ABCB10: variants seen among roughly 807,000 people sequenced by gnomAD.
The protein encoded by ABCB10 is ATP binding cassette subfamily B member 10.
In ABCB10, 54 loss-of-function variants were observed where a neutral mutation model predicts 65.4. That is an observed-to-expected ratio of 0.83 (90% CI 0.66 to 1.04). The LOEUF (loss-of-function observed/expected upper bound fraction) is 1.04, where lower values mean the gene tolerates loss of function less well. ABCB10 is among the 50% of genes least tolerant of loss of function. The pLI, the probability that ABCB10 is intolerant of heterozygous loss-of-function variation, is 0.00. For synonymous variants in ABCB10, 418 were observed against 406.5 expected (o/e 1.03, Z -0.34); for missense variants, 846 against 976.6 (o/e 0.87, Z 1.78).
At chr1:229,557,853 T>C (rs567959112) in intron 1 of ABCB10, among the ~76,000 whole-genome samples, 2 of 152,186 alleles carry the variant, frequency 1.3e-5, no homozygotes, top group Non-Finnish European at 2.9e-5. Context: ...TCCCACTAAG[T>C]TGGTGGTGGA....
At chr1:229,540,830 G>A (rs1662825854) in intron 4 of ABCB10, 78 bp from the exon 5 acceptor site, 2 of 1,455,552 alleles carry the variant, frequency 1.4e-6, no homozygotes, top group Non-Finnish European at 1.8e-6. Flanking sequence ...ATAAAATGTG[G>A]TTCTCATTTT....
chr1:229,520,648 T>G (rs1662291482), intron 11 of ABCB10, among the ~76,000 whole-genome samples: 1 of 152,128 alleles, frequency 6.6e-6, no homozygotes, highest in Admixed American at 6.5e-5. Context: ...AAACTGGAAA[T>G]GACCCAAGCG....
chr1:229,547,400 T>C, intron 3 of ABCB10, 99 bp downstream of exon 3: 1 of 1,398,798 alleles, frequency 7.1e-7, no homozygotes, highest in South Asian at 1.3e-5. Flanking sequence ...ACTTACAGAA[T>C]GATGCGAACC....
At position 229,558,558 on chromosome 1, in the gene ABCB10, G is replaced by A. The variant is rs780662297; in HGVS notation, c.95C>T (p.Ala32Val). Residue 32 changes from alanine (A) to valine (V), a missense_variant, in exon 1 of 13, where the codon GCG becomes GTG. Coordinates refer to ENST00000344517, the MANE Select transcript of ABCB10 (RefSeq NM_012089.3). ...TAGGGACCCGGGAACGCGGCTGGCCGCGGCCCACACGCAGGCTACCGGCAG... is the reference window on the plus strand; with the variant it reads ...TAGGGACCCGGGAACGCGGCTGGCCACGGCCCACACGCAGGCTACCGGCAG... ...RLLPVACVWA[A>V]ASRVPGSLSP... 5.0e-5 allele frequency: 72 copies of A among 1,442,982 alleles called. No homozygotes were observed. The South Asian group carries it at 8.9e-4, about 18-fold the overall frequency. The allele number at this position is 1,442,982 out of a possible 1,614,324, so 89.4% of individuals were successfully genotyped here.
chr1:229,518,069 A>T lies in ABCB10; in HGVS notation c.*110T>A. 1 of 772,844 alleles carries T rather than the reference A, an allele frequency of 1.3e-6. No homozygotes were observed. The highest frequency in any genetic ancestry group is 2.1e-6 in the Non-Finnish European group (1 of 477,058). The allele number at this position is 772,844 out of a possible 1,614,324, so 47.9% of individuals were successfully genotyped here. On this transcript the variant is annotated 3_prime_UTR_variant, in exon 13 of 13. Transcript: ENST00000344517. ...TTACACACTTTGGAAAAAAATAGGTATTTTTCAAATAACTTGATATATGGT... is the reference window on the plus strand; with the variant it reads ...TTACACACTTTGGAAAAAAATAGGTTTTTTTCAAATAACTTGATATATGGT...
intron 6 of ABCB10, 41 bp downstream of exon 6, chr1:229,539,415 T>G (rs1303772987): frequency 1.2e-6 from 2 of 1,603,148 alleles, no homozygotes; most frequent in Non-Finnish European, 8.5e-7. Flanking sequence ...GATGCTCTGA[T>G]TTTTAATTTG....
intron 10 of ABCB10, among the ~76,000 whole-genome samples, chr1:229,524,836 T>C (rs1205979660): frequency 6.6e-6 from 1 of 152,176 alleles, no homozygotes; most frequent in Non-Finnish European, 1.5e-5. Context: ...ACAGCCATCA[T>C]ATGTGACCCA....
At chr1:229,546,957 T>C (rs147579831) in intron 3 of ABCB10, among the ~76,000 whole-genome samples, 1 of 152,132 alleles carries the variant, frequency 6.6e-6, no homozygotes, top group Non-Finnish European at 1.5e-5. Context: ...TACTAAAACA[T>C]TAAAATCACA....
At chr1:229,520,609 ATTC>A (rs1662290413) in intron 11 of ABCB10, among the ~76,000 whole-genome samples, 1 of 152,158 alleles carries the variant, frequency 6.6e-6, no homozygotes, top group Admixed American at 6.5e-5. Flanking sequence ...GGTAGCTACT[ATTC>A]TTTATATATT....
chr1:229,554,606 G>A (rs528317063), intron 1 of ABCB10, among the ~76,000 whole-genome samples: 2 of 152,216 alleles, frequency 1.3e-5, no homozygotes, highest in South Asian at 4.1e-4. Context: ...ATCCACACAT[G>A]ATCAACATAA....
chr1:229,535,619 T>C (rs1360038197), intron 6 of ABCB10, among the ~76,000 whole-genome samples: 1 of 152,210 alleles, frequency 6.6e-6, no homozygotes, highest in Non-Finnish European at 1.5e-5. Flanking sequence ...TACAGGAATG[T>C]TGGATACATG....
rs369858892 is a variant in ABCB10 at position 229,529,442 on chromosome 1, G to A, written c.1645+757C>T. On this transcript the variant is annotated intron_variant, in intron 8 of 12. Coordinates refer to ENST00000344517, the MANE Select transcript of ABCB10 (RefSeq NM_012089.3). ...TCCCAGCACTTTGGGAGGCCAAGGC[G>A]GGTGGATCACGAGGTCAGGAGATCG... Among the ~76,000 whole-genome samples, 17 of 149,922 alleles carry A rather than the reference G, an allele frequency of 1.1e-4. No homozygotes were observed. The East Asian group carries it at 2.2e-3, about 19-fold the overall frequency.
chr1:229,532,729 T>C (rs1038857198), intron 6 of ABCB10, among the ~76,000 whole-genome samples: 2 of 151,852 alleles, frequency 1.3e-5, no homozygotes, highest in African/African-American at 4.8e-5. Flanking sequence ...AAAAAATAAC[T>C]GTAAGGCCAG....
intron 6 of ABCB10, among the ~76,000 whole-genome samples, chr1:229,538,009 A>G (rs1235678217): frequency 6.6e-6 from 1 of 152,178 alleles, no homozygotes; most frequent in African/African-American, 2.4e-5. Flanking sequence ...CCCTCCTCGC[A>G]CCAGATGGCA....
chr1:229,527,303 T>C lies in ABCB10; in HGVS notation c.1651A>G (p.Ile551Val), dbSNP rs772432520. ...LRLYDPASGT[I>V]SLDGHDIRQL... ...CGGATGTCATGGCCATCAAGACTAATAGTTCCTTGTTGAGAGGAAAGGAAA... is the reference window on the plus strand; with the variant it reads ...CGGATGTCATGGCCATCAAGACTAACAGTTCCTTGTTGAGAGGAAAGGAAA... Residue 551 changes from isoleucine (I) to valine (V), a missense_variant, in exon 9 of 13, where the codon ATT becomes GTT. Ile to Val is a conservative substitution (Grantham distance 29). Transcript: ENST00000344517. 1.2e-5 allele frequency: 19 copies of C among 1,544,618 alleles called. No homozygotes were observed. Among genetic ancestry groups the C allele is most frequent in the Admixed American group, 1.9e-5 (1 of 51,286 alleles).
chr1:229,558,033 G>GACA, intron 1 of ABCB10, 103 bp downstream of exon 1: 4 of 1,197,986 alleles, frequency 3.3e-6, no homozygotes, highest in Non-Finnish European at 4.2e-6. Context: ...AGGCGGCGGT[G>GACA]ACACGCGCTC....
chr1:229,537,649 G>A (rs1437414050), intron 6 of ABCB10, among the ~76,000 whole-genome samples: 2 of 152,084 alleles, frequency 1.3e-5, no homozygotes, highest in Non-Finnish European at 2.9e-5. Flanking sequence ...AATTAGCCAG[G>A]TGTGGCAGCA....
intron 1 of ABCB10, among the ~76,000 whole-genome samples, chr1:229,553,315 G>C (rs2102711225): frequency 6.6e-6 from 1 of 152,190 alleles, no homozygotes; most frequent in African/African-American, 2.4e-5. Context: ...TCTCCATGTT[G>C]GTCAGGCTGG....
chr1:229,554,637 C>G (rs1397129265), intron 1 of ABCB10, among the ~76,000 whole-genome samples: 2 of 152,174 alleles, frequency 1.3e-5, no homozygotes, highest in African/African-American at 4.8e-5. Context: ...AGATATTTTA[C>G]ATTTTTTCTC....
Sources: gnomAD v4.1 joint callset for allele counts (sites outside exome capture counted in the v4.1 genomes callset) on GRCh38, gnomAD v4.1.1 for gene constraint, MANE v1.5 for transcripts, NCBI Gene and HGNC (gene_info 2026-07-23, HGNC 2026-07-21) for gene names.